DGKI: variants seen among roughly 807,000 people sequenced by gnomAD.
DGKI encodes the protein diacylglycerol kinase iota.
Under a neutral mutation model 147.5 loss-of-function variants are expected in DGKI, and 55 were observed. The observed-to-expected ratio is 0.37, with a 90% CI of 0.30 to 0.47. DGKI has a LOEUF of 0.47. Ranked by LOEUF, DGKI falls within the 20% of genes least tolerant of loss-of-function variation. The pLI is 1.00. For synonymous variants in DGKI, 469 were observed against 477.1 expected (o/e 0.98, Z 0.22); for missense variants, 1,007 against 1,323.8 (o/e 0.76, Z 3.71).
chr7:137,641,828 T>C (rs1395755581), intron 6 of DGKI, among the ~76,000 whole-genome samples: 1 of 152,252 alleles, frequency 6.6e-6, no homozygotes, highest in African/African-American at 2.4e-5. Context: ...AAATAAAAGA[T>C]AAGCTTTTAA....
chr7:137,390,842 G>T lies in DGKI; in HGVS notation c.*378C>A, dbSNP rs988519453. ...TGGGTAGTTACAGTAGAATTGTATG[G>T]TACAGGGAAAAAAACCAATGCATAG... On this transcript the variant is annotated 3_prime_UTR_variant, in exon 33 of 33. Transcript: ENST00000614521. The T allele has an allele frequency of 8.8e-6, 2 of 227,956 alleles. No individual in the cohort carries two copies. The highest frequency in any genetic ancestry group is 8.7e-6 in the Non-Finnish European group (1 of 114,972). 14.1% of individuals were successfully genotyped at this position (227,956 alleles called of 1,614,324 possible).
rs760576244 is a variant in DGKI at position 137,656,457 on chromosome 7, C to T, written c.681+9G>A. 1.2e-6 allele frequency: 2 copies of T among 1,613,710 alleles called. No homozygotes were observed. Among genetic ancestry groups the T allele is most frequent in the African/African-American group, 1.3e-5 (1 of 74,884 alleles). The stretch of plus-strand genomic sequence containing the variant: ...TGTAACAAAACTGCAGCAGGGGGCG[C>T]GCTCTTACCTTTTCTAGCTGCTCAA... On this transcript the variant is annotated intron_variant, in intron 4 of 32. Coordinates refer to ENST00000614521, the MANE Select transcript of DGKI (RefSeq NM_001321708.2).
chr7:137,576,745 T>C (rs565995879), intron 17 of DGKI, among the ~76,000 whole-genome samples: 17 of 152,224 alleles, frequency 1.1e-4, no homozygotes, highest in Middle Eastern at 3.4e-3. Context: ...AAATCAACAC[T>C]TCGTTCTAAA....
At chr7:137,771,754 T>C (rs1025627785) in intron 1 of DGKI, 6 of 152,214 alleles carry the variant, frequency 3.9e-5, no homozygotes, top group African/African-American at 1.4e-4. Flanking sequence ...CATTCAAATA[T>C]GTCTAACAGA....
At chr7:137,585,567 T>A (rs1338877786) in intron 13 of DGKI, among the ~76,000 whole-genome samples, 1 of 152,138 alleles carries the variant, frequency 6.6e-6, no homozygotes, top group Non-Finnish European at 1.5e-5. Context: ...GAGGAATATT[T>A]TTTGTCAGCA....
chr7:137,472,739 G>A (rs1446868775), intron 23 of DGKI, among the ~76,000 whole-genome samples: 2 of 151,682 alleles, frequency 1.3e-5, no homozygotes, highest in South Asian at 2.1e-4. Flanking sequence ...CAAGACATTT[G>A]GAAGTGATTC....
chr7:137,653,103 G>GGTGTGT (rs916760284), intron 5 of DGKI, among the ~76,000 whole-genome samples: 1 of 151,616 alleles, frequency 6.6e-6, no homozygotes, highest in African/African-American at 2.4e-5. Flanking sequence ...CAGTTTTTCA[G>GGTGTGT]GTGTGTGTGT....
intron 3 of DGKI, among the ~76,000 whole-genome samples, chr7:137,668,439 C>A (rs992720623): frequency 1.3e-5 from 2 of 152,186 alleles, no homozygotes; most frequent in Non-Finnish European, 2.9e-5. Flanking sequence ...ATAAATATAA[C>A]AATACTTAAA....
At chr7:137,514,558 C>T (rs1816689757) in intron 21 of DGKI, among the ~76,000 whole-genome samples, 1 of 152,190 alleles carries the variant, frequency 6.6e-6, no homozygotes, top group South Asian at 2.1e-4. Flanking sequence ...TTGTAGCTAA[C>T]CATAGGCTCC....
In DGKI at chr7:137,585,284, C is replaced by T; in HGVS notation, c.1488G>A (p.Gln496=). The change falls in exon 14 of 33, where the codon CAG becomes CAA. Residue 496 remains glutamine, a synonymous_variant. Coordinates refer to ENST00000614521, the MANE Select transcript of DGKI (RefSeq NM_001321708.2). ...CCACATGGAGGTTCCAGCGATCTAG[C>T]TGTACAACTGTCCCATCTTCCACTT... ...LCQVEDGTVV[Q]LDRWNLHVER... 6.2e-7 allele frequency: 1 copy of T among 1,614,148 alleles called. No homozygotes were observed. Among genetic ancestry groups the T allele is most frequent in the Middle Eastern group, 1.6e-4 (1 of 6,062 alleles).
chr7:137,498,677 A>G (rs573557538), intron 21 of DGKI, among the ~76,000 whole-genome samples: 1 of 152,284 alleles, frequency 6.6e-6, no homozygotes, highest in Non-Finnish European at 1.5e-5. Context: ...AAACAATCAA[A>G]CAAGTGCAAG....
In DGKI at chr7:137,412,463, C is replaced by T. The variant is rs902961727; in HGVS notation, c.2762-256G>A. Among the ~76,000 whole-genome samples, 13 of 152,212 alleles carry T rather than the reference C, an allele frequency of 8.5e-5. No individual in the cohort carries two copies. The South Asian group carries it at 1.0e-3, about 12-fold the overall frequency. On this transcript the variant is annotated intron_variant, in intron 28 of 32. Transcript: ENST00000614521. ...GTAAATATTTTAAAAACTGGAGTCA[C>T]GCAAATTGGGTTCAAATCTCAACTC...
intron 10 of DGKI, among the ~76,000 whole-genome samples, chr7:137,604,810 A>G (rs1171901509): frequency 6.6e-6 from 1 of 152,216 alleles, no homozygotes; most frequent in East Asian, 1.9e-4. Context: ...AAACACTGAG[A>G]GATATCACAG....
At chr7:137,534,360 G>A (rs1326125433) in intron 20 of DGKI, among the ~76,000 whole-genome samples, 1 of 151,942 alleles carries the variant, frequency 6.6e-6, no homozygotes, top group Non-Finnish European at 1.5e-5. Context: ...TGTTTTCTGG[G>A]TGGGGAGTCC....
intron 1 of DGKI, among the ~76,000 whole-genome samples, chr7:137,704,668 G>C (rs940690638): frequency 6.6e-6 from 1 of 152,086 alleles, no homozygotes; most frequent in Non-Finnish European, 1.5e-5. Context: ...CATTCAACAG[G>C]CTCAATAAAC....
intron 10 of DGKI, among the ~76,000 whole-genome samples, chr7:137,600,788 A>T (rs1819961645): frequency 6.6e-6 from 1 of 152,216 alleles, no homozygotes; most frequent in Non-Finnish European, 1.5e-5. Flanking sequence ...AAACTTCCTT[A>T]GTAAGATCAC....
At position 137,382,743 on chromosome 7, in the gene DGKI, C is replaced by T. The variant is rs1482466167; in HGVS notation, c.*8477G>A. 6 of 151,944 alleles carry T rather than the reference C, an allele frequency of 3.9e-5. No individual in the cohort carries two copies. The highest frequency in any genetic ancestry group is 7.4e-5 in the Non-Finnish European group (5 of 67,980). 9.4% of individuals were successfully genotyped at this position (151,944 alleles called of 1,614,324 possible). On this transcript the variant is annotated 3_prime_UTR_variant, in exon 33 of 33. Coordinates refer to ENST00000614521, the MANE Select transcript of DGKI (RefSeq NM_001321708.2). ...CAACTCTGCCCCTCTTTTATGCCCC[C>T]AAACCAGAGGCAAGAAGTAGAACAA...
intron 1 of DGKI, among the ~76,000 whole-genome samples, chr7:137,793,118 C>T (rs1165812084): frequency 1.3e-5 from 2 of 152,186 alleles, no homozygotes; most frequent in Middle Eastern, 3.4e-3. Context: ...AGCTAAACTG[C>T]TTAATTAGAT....
At position 137,638,623 on chromosome 7, in the gene DGKI, T is replaced by TATATGTGTATATATACAC. The variant is rs1563125933; in HGVS notation, c.804+6848_804+6849insGTGTATATATACACATAT. On this transcript the variant is annotated intron_variant, in intron 6 of 32. Transcript: ENST00000614521. ...ATATGTATATATATACACACACACA[T>TATATGTGTATATATACAC]ATATATGTGTGTATATATGTGTATG... 8.8e-3 allele frequency among the ~76,000 whole-genome samples: 24 copies of TATATGTGTATATATACAC among 2,740 alleles called. 9 individuals are homozygous for TATATGTGTATATATACAC. The highest frequency in any genetic ancestry group is 0.053 in the East Asian group (2 of 38). 1.8% of individuals were successfully genotyped at this position (2,740 alleles called of 152,430 possible). A position where few individuals can be genotyped will look rare whatever the true frequency, so the allele number is the denominator to read the frequency against.
Sources: gnomAD v4.1 joint callset for allele counts (sites outside exome capture counted in the v4.1 genomes callset) on GRCh38, gnomAD v4.1.1 for gene constraint, MANE v1.5 for transcripts, NCBI Gene and HGNC (gene_info 2026-07-23, HGNC 2026-07-21) for gene names.